The following SCHIP1 variants were observed in gnomAD, a reference collection of about 807,000 sequenced individuals.
The protein encoded by SCHIP1 is schwannomin interacting protein 1.
In SCHIP1, 8 loss-of-function variants were observed where a neutral mutation model predicts 29.7. The observed-to-expected ratio is 0.27, with a 90% CI of 0.16 to 0.49. The LOEUF (loss-of-function observed/expected upper bound fraction) is 0.49, where lower values mean the gene tolerates loss of function less well. Ranked by LOEUF, SCHIP1 falls within the 20% of genes least tolerant of loss-of-function variation. The pLI is 0.99. For synonymous variants in SCHIP1, 76 were observed against 94.9 expected (o/e 0.80, Z 1.16); for missense variants, 193 against 294.6 (o/e 0.66, Z 2.52).
the SCHIP1 span, among the ~76,000 whole-genome samples, chr3:159,512,274 TG>T: frequency 1.3e-5 from 2 of 152,206 alleles, no homozygotes; most frequent in Admixed American, 1.3e-4. Flanking sequence ...CGGGGATGTG[TG>T]AATTGAAAAC....
At chr3:159,676,094 G>A in the SCHIP1 span, among the ~76,000 whole-genome samples, 8 of 152,130 alleles carry the variant, frequency 5.3e-5, no homozygotes, top group African/African-American at 1.9e-4. Flanking sequence ...TTGCACCCCT[G>A]CACTCCAGCC....
the SCHIP1 span, among the ~76,000 whole-genome samples, chr3:159,320,306 C>G: frequency 6.6e-6 from 1 of 152,174 alleles, no homozygotes; most frequent in Non-Finnish European, 1.5e-5. Flanking sequence ...GCCCCTTTCA[C>G]CATGTGAGGA....
chr3:159,725,814 T>G, the SCHIP1 span, among the ~76,000 whole-genome samples: 1 of 152,190 alleles, frequency 6.6e-6, no homozygotes, highest in Non-Finnish European at 1.5e-5. Context: ...ATATTTATTA[T>G]AGAAAACTAA....
At chr3:159,731,877 T>C in the SCHIP1 span, among the ~76,000 whole-genome samples, 2 of 152,292 alleles carry the variant, frequency 1.3e-5, no homozygotes, top group Middle Eastern at 3.4e-3. Flanking sequence ...GGAATTTTTT[T>C]TTTTTCTGCT....
intron 6 of SCHIP1, among the ~76,000 whole-genome samples, chr3:159,895,983 A>T (rs1307572874): frequency 1.3e-5 from 2 of 152,234 alleles, no homozygotes; most frequent in Non-Finnish European, 2.9e-5. Context: ...GGCGTGAGCC[A>T]CTGGACCTGG....
At chr3:159,500,313 C>T in the SCHIP1 span, among the ~76,000 whole-genome samples, 3 of 152,150 alleles carry the variant, frequency 2.0e-5, no homozygotes, top group East Asian at 5.8e-4. Context: ...TTACCTGTGC[C>T]CTCTTAAGAT....
At chr3:159,658,644 C>T in the SCHIP1 span, among the ~76,000 whole-genome samples, 1 of 152,172 alleles carries the variant, frequency 6.6e-6, no homozygotes, top group African/African-American at 2.4e-5. Context: ...AATCAAGTCT[C>T]ACAGCCTTAA....
At chr3:159,847,762 A>C (rs1712032265) in intron 1 of SCHIP1, among the ~76,000 whole-genome samples, 1 of 152,138 alleles carries the variant, frequency 6.6e-6, no homozygotes, top group Non-Finnish European at 1.5e-5. Context: ...CCACACTTTT[A>C]ATACCATTAT....
At chr3:159,390,629 A>AT in the SCHIP1 span, among the ~76,000 whole-genome samples, 1 of 152,174 alleles carries the variant, frequency 6.6e-6, no homozygotes, top group Non-Finnish European at 1.5e-5. Flanking sequence ...CCCTTAAAAT[A>AT]TTTTTTAATT....
At chr3:159,318,939 A>G in the SCHIP1 span, among the ~76,000 whole-genome samples, 2 of 152,070 alleles carry the variant, frequency 1.3e-5, no homozygotes, top group African/African-American at 4.8e-5. Flanking sequence ...TCTCAAAAGG[A>G]AGGTAGTTAT....
chr3:159,730,809 T>C, the SCHIP1 span, among the ~76,000 whole-genome samples: 3 of 152,194 alleles, frequency 2.0e-5, no homozygotes, highest in Non-Finnish European at 4.4e-5. Flanking sequence ...TGGGATGGGT[T>C]AGCCATTTAC....
At chr3:159,896,052 C>T (rs186509231) in intron 6 of SCHIP1, among the ~76,000 whole-genome samples, 63 of 152,258 alleles carry the variant, frequency 4.1e-4, no homozygotes, top group Non-Finnish European at 7.5e-4. Context: ...CAAGACCATG[C>T]CCTTAGGATT....
At chr3:159,853,669 C>G (rs1349622325) in intron 1 of SCHIP1, among the ~76,000 whole-genome samples, 1 of 152,192 alleles carries the variant, frequency 6.6e-6, no homozygotes, top group Admixed American at 6.5e-5. Flanking sequence ...ACAGCAGCAA[C>G]TAAAACACAC....
At chr3:159,519,505 C>G in the SCHIP1 span, among the ~76,000 whole-genome samples, 1 of 151,978 alleles carries the variant, frequency 6.6e-6, no homozygotes, top group Non-Finnish European at 1.5e-5. Flanking sequence ...TCACAAGATC[C>G]CAACAAGAAC....
chr3:159,335,902 C>T, the SCHIP1 span, among the ~76,000 whole-genome samples: 4 of 152,158 alleles, frequency 2.6e-5, no homozygotes, highest in African/African-American at 9.6e-5. Context: ...AGTTCTAGAT[C>T]CCTGAGGAAT....
At chr3:159,880,940 A>T (rs56008026) in intron 2 of SCHIP1, among the ~76,000 whole-genome samples, 32,830 of 152,068 alleles carry the variant, frequency 0.22, 3,637 homozygotes, top group African/African-American at 0.23. Flanking sequence ...TGTGTTTTTA[A>T]GTAGTAATAG....
At chr3:159,526,066 C>T in the SCHIP1 span, among the ~76,000 whole-genome samples, 25 of 152,252 alleles carry the variant, frequency 1.6e-4, no homozygotes, top group East Asian at 1.9e-3. Flanking sequence ...ACAAACTTCA[C>T]TTACATTAGT....
chr3:159,776,222 A>G, the SCHIP1 span, among the ~76,000 whole-genome samples: 1 of 152,158 alleles, frequency 6.6e-6, no homozygotes, highest in Non-Finnish European at 1.5e-5. Context: ...TACCCTACTT[A>G]ATGAAAATTG....
chr3:159,444,494 TA>T, the SCHIP1 span, among the ~76,000 whole-genome samples: 3 of 150,566 alleles, frequency 2.0e-5, no homozygotes, highest in Admixed American at 1.3e-4. Flanking sequence ...TGCTGCACCT[TA>T]AAAAAAAAGT....
Sources: allele counts gnomAD v4.1 joint callset (sites outside exome capture counted in the v4.1 genomes callset), GRCh38; gene constraint gnomAD v4.1.1; transcripts MANE v1.5; gene names NCBI Gene and HGNC (gene_info 2026-07-23, HGNC 2026-07-21).